Variants in SUPT3H observed in about 807,000 individuals in gnomAD.
SUPT3H encodes transcription initiation protein SPT3 homolog.
Under a neutral mutation model 44.3 loss-of-function variants are expected in SUPT3H, and 44 were observed. The observed-to-expected ratio is 0.99, with a 90% CI of 0.78 to 1.28. The LOEUF (loss-of-function observed/expected upper bound fraction) is 1.28, where lower values mean the gene tolerates loss of function less well. Among genes scored for constraint, SUPT3H ranks in the 50% most tolerant of loss-of-function variants. The pLI, the probability that SUPT3H is intolerant of heterozygous loss-of-function variation, is 0.00. For synonymous variants in SUPT3H, 124 were observed against 125.6 expected (o/e 0.99, Z 0.09); for missense variants, 380 against 387.1 (o/e 0.98, Z 0.15).
chr6:44,841,527 T>C (rs1770937579), intron 10 of SUPT3H, among the ~76,000 whole-genome samples: 1 of 152,196 alleles, frequency 6.6e-6, no homozygotes, highest in Admixed American at 6.5e-5. Context: ...AAATATGTAA[T>C]GATTGAAAGC....
intron 10 of SUPT3H, among the ~76,000 whole-genome samples, chr6:44,899,484 G>A (rs1293639173): frequency 6.6e-6 from 1 of 152,058 alleles, no homozygotes; most frequent in Non-Finnish European, 1.5e-5. Context: ...TCAGGAGTTC[G>A]AGACCAGCCT....
intron 2 of SUPT3H, among the ~76,000 whole-genome samples, chr6:45,313,862 T>C (rs1239350320): frequency 1.3e-5 from 2 of 152,012 alleles, no homozygotes; most frequent in South Asian, 2.1e-4. Context: ...CAGACCGATA[T>C]CCTTGATGAA....
rs150641891 is a variant in SUPT3H at position 44,879,133 on chromosome 6, C to T, written c.913-49276G>A. Among the ~76,000 whole-genome samples the T allele has an allele frequency of 4.7e-3, 718 of 152,300 alleles. 7 individuals are homozygous for T. Among genetic ancestry groups the T allele is most frequent in the African/African-American group, 0.016 (668 of 41,564 alleles). On this transcript the variant is annotated intron_variant, in intron 10 of 10. Transcript: ENST00000371459. ...CAGGGAGCCAAGTGGTCTAGCTCAG[C>T]AAATCCCACCCCCATGGAGCCCAGC...
At chr6:45,170,962 T>C (rs1321355120) in intron 2 of SUPT3H, among the ~76,000 whole-genome samples, 1 of 152,224 alleles carries the variant, frequency 6.6e-6, no homozygotes, top group East Asian at 1.9e-4. Flanking sequence ...ACATGGAATC[T>C]AGAGCCAAAC....
intron 2 of SUPT3H, among the ~76,000 whole-genome samples, chr6:45,348,030 CAT>C (rs201636845): frequency 0.011 from 1,734 of 152,076 alleles, 21 homozygotes; most frequent in African/African-American, 0.023. Context: ...CATGTGTACA[CAT>C]GTGTGGATAT....
chr6:45,185,576 C>T (rs1379744802), intron 2 of SUPT3H, among the ~76,000 whole-genome samples: 1 of 152,196 alleles, frequency 6.6e-6, no homozygotes, highest in Non-Finnish European at 1.5e-5. Flanking sequence ...TAGAAACTGT[C>T]ACTCACCAAT....
At chr6:45,371,074 T>C (rs139693188) in intron 1 of SUPT3H, among the ~76,000 whole-genome samples, 15 of 152,318 alleles carry the variant, frequency 9.8e-5, no homozygotes, top group Admixed American at 9.8e-4. Flanking sequence ...AGTTACTTAA[T>C]GGTTAACTTT....
chr6:45,209,925 A>G (rs907356538), intron 2 of SUPT3H, among the ~76,000 whole-genome samples: 2 of 152,194 alleles, frequency 1.3e-5, no homozygotes, highest in African/African-American at 4.8e-5. Flanking sequence ...ATCCTCTGCC[A>G]GCAAAAAGAC....
chr6:45,055,267 T>A (rs1284299374), intron 3 of SUPT3H, among the ~76,000 whole-genome samples: 2 of 152,094 alleles, frequency 1.3e-5, no homozygotes, highest in African/African-American at 4.8e-5. Context: ...ACTAATTCAA[T>A]GCAATTCCCA....
At chr6:44,837,107 A>G (rs1411808222) in intron 10 of SUPT3H, among the ~76,000 whole-genome samples, 1 of 152,196 alleles carries the variant, frequency 6.6e-6, no homozygotes, top group Non-Finnish European at 1.5e-5. Context: ...ATGTTACTCA[A>G]CTGCATTTTC....
At chr6:44,900,771 C>A (rs546436774) in intron 10 of SUPT3H, among the ~76,000 whole-genome samples, 2 of 152,150 alleles carry the variant, frequency 1.3e-5, no homozygotes, top group Non-Finnish European at 2.9e-5. Flanking sequence ...GAGGCACCCC[C>A]TAGCAGGGGC....
chr6:45,052,291 T>C (rs1192189767), intron 3 of SUPT3H, among the ~76,000 whole-genome samples: 2 of 152,240 alleles, frequency 1.3e-5, no homozygotes, highest in African/African-American at 4.8e-5. Flanking sequence ...ATGAGATTGC[T>C]GTAATTTATT....
chr6:44,993,510 C>G (rs1194180884), intron 6 of SUPT3H, among the ~76,000 whole-genome samples: 1 of 151,882 alleles, frequency 6.6e-6, no homozygotes, highest in Non-Finnish European at 1.5e-5. Context: ...AATTCTTTAC[C>G]ATTATATCAT....
intron 3 of SUPT3H, among the ~76,000 whole-genome samples, chr6:45,070,813 G>A (rs1287419449): frequency 6.7e-6 from 1 of 149,752 alleles, no homozygotes; most frequent in African/African-American, 2.5e-5. Flanking sequence ...CTGGAGTGAC[G>A]ACAAGGAAGA....
At chr6:45,018,242 T>C (rs1784595052) in intron 4 of SUPT3H, among the ~76,000 whole-genome samples, 1 of 152,206 alleles carries the variant, frequency 6.6e-6, no homozygotes, top group Non-Finnish European at 1.5e-5. Context: ...TAAGGAGATT[T>C]TGGGCTGAGA....
chr6:45,270,434 G>A (rs749155745), intron 2 of SUPT3H, among the ~76,000 whole-genome samples: 15 of 152,050 alleles, frequency 9.9e-5, no homozygotes, highest in East Asian at 1.9e-4. Flanking sequence ...TGCTGTTCTC[G>A]CGGTAGTACA....
intron 3 of SUPT3H, among the ~76,000 whole-genome samples, chr6:45,090,324 C>T (rs1168460910): frequency 6.6e-6 from 1 of 152,006 alleles, no homozygotes; most frequent in Non-Finnish European, 1.5e-5. Context: ...TGGAGAACAG[C>T]CATTAGGTCT....
intron 2 of SUPT3H, among the ~76,000 whole-genome samples, chr6:45,340,973 C>T (rs1031828260): frequency 6.6e-6 from 1 of 152,086 alleles, no homozygotes; most frequent in Non-Finnish European, 1.5e-5. Context: ...TCCAGACAAC[C>T]TTTATTTCTA....
At chr6:45,285,673 A>G (rs1436613640) in intron 2 of SUPT3H, among the ~76,000 whole-genome samples, 8 of 152,154 alleles carry the variant, frequency 5.3e-5, no homozygotes, top group South Asian at 2.1e-4. Context: ...ACTGCCCAAG[A>G]TAATTTATAG....
Sources: allele counts gnomAD v4.1 joint callset (sites outside exome capture counted in the v4.1 genomes callset), GRCh38; gene constraint gnomAD v4.1.1; transcripts MANE v1.5; gene names NCBI Gene and HGNC (gene_info 2026-07-23, HGNC 2026-07-21).